The following ATP2B1 variants were observed in gnomAD, a reference collection of about 807,000 sequenced individuals.
The protein encoded by ATP2B1 is plasma membrane calcium-transporting ATPase 1.
A neutral mutation model predicts 124.2 loss-of-function variants in ATP2B1; 14 were observed. The observed-to-expected ratio is 0.11, with a 90% CI of 0.07 to 0.18. The LOEUF is 0.18. ATP2B1 is among the 10% of genes least tolerant of loss of function. ATP2B1 has a pLI of 1.00. For synonymous variants in ATP2B1, 449 were observed against 492.4 expected (o/e 0.91, Z 1.17); for missense variants, 763 against 1,466.1 (o/e 0.52, Z 7.83).
At position 89,692,604 on chromosome 12, in the gene ATP2B1, A is replaced by G. The variant is rs571707205; in HGVS notation, c.-222+15992T>C. Among the ~76,000 whole-genome samples, 13 of 152,330 alleles carry G rather than the reference A, an allele frequency of 8.5e-5. No homozygotes were observed. The East Asian group carries it at 1.9e-3, about 23-fold the overall frequency. On this transcript the variant is annotated intron_variant, in intron 1 of 20. Coordinates refer to ENST00000428670, the MANE Select transcript of ATP2B1 (RefSeq NM_001366521.1). ...TATACAATAATCATACAAATGCTCT[A>G]TAAGAAATGATGTGGTATGAGAGCA...
intron 1 of ATP2B1, among the ~76,000 whole-genome samples, chr12:89,669,183 A>G (rs1261463190): frequency 1.3e-5 from 2 of 152,090 alleles, no homozygotes; most frequent in African/African-American, 4.8e-5. Context: ...CTTCCTGATT[A>G]AACTGTAAGC....
intron 1 of ATP2B1, among the ~76,000 whole-genome samples, chr12:89,707,336 C>T (rs1283162710): frequency 6.6e-6 from 1 of 152,124 alleles, no homozygotes; most frequent in Non-Finnish European, 1.5e-5. Context: ...AATACACCCA[C>T]GCTGAACAAA....
At chr12:89,707,986 T>C (rs1234016725) in intron 1 of ATP2B1, among the ~76,000 whole-genome samples, 2 of 152,162 alleles carry the variant, frequency 1.3e-5, no homozygotes, top group East Asian at 1.9e-4. Context: ...ACTGTGAACA[T>C]CCTGGGGGGC....
At position 89,603,016 on chromosome 12, in the gene ATP2B1, T is replaced by C. The variant is rs1295546494; in HGVS notation, c.3060+27A>G. On this transcript the variant is annotated intron_variant, in intron 18 of 20. Coordinates refer to ENST00000428670, the MANE Select transcript of ATP2B1 (RefSeq NM_001366521.1). The surrounding 1 kb of genome is among the most constrained non-coding windows in gnomAD (Gnocchi z 4.3). Reference sequence around the variant, plus strand: ...AATGTCTCCCATTTAACAGGCAAATTTGAAACTATCTTTTCCAATTACCCA... The same window carrying C: ...AATGTCTCCCATTTAACAGGCAAATCTGAAACTATCTTTTCCAATTACCCA... The C allele has an allele frequency of 6.2e-7, 1 of 1,602,890 alleles. No individual in the cohort carries two copies. The highest frequency in any genetic ancestry group is 2.2e-5 in the East Asian group (1 of 44,660).
rs148438474 is a variant in ATP2B1, at chr12:89,689,656, T to G, written c.-222+18940A>C. On this transcript the variant is annotated intron_variant, in intron 1 of 20. Coordinates refer to ENST00000428670, the MANE Select transcript of ATP2B1 (RefSeq NM_001366521.1). ...CTGGCCCATATTTAATACGGCTTCT[T>G]ACTCCTTATCTATTTGTTAACTTGC... 8.9e-3 allele frequency among the ~76,000 whole-genome samples: 1,349 copies of G among 152,244 alleles called. 12 individuals are homozygous for G. The highest frequency in any genetic ancestry group is 0.015 in the Non-Finnish European group (998 of 67,998).
chr12:89,642,392 C>T (rs776836963), intron 2 of ATP2B1, 37 bp from the exon 3 acceptor site: 9 of 1,542,976 alleles, frequency 5.8e-6, no homozygotes, highest in Non-Finnish European at 7.1e-6. Flanking sequence ...AACAGTTTTA[C>T]TTCTTACAAA....
chr12:89,590,987 G>A lies in ATP2B1; in HGVS notation c.3660C>T (p.Leu1220=), dbSNP rs918582704. Reference sequence around the variant, plus strand: ...TGTGTTAACATTCAGCTTACAATCAGAGTGATGTTTCCAAACTATGTAGTG... The same window carrying A: ...TGTGTTAACATTCAGCTTACAATCAAAGTGATGTTTCCAAACTATGTAGTG... ...GSPLHSLETS[L] Residue 1220 remains leucine (L), a synonymous_variant, in exon 21 of 21, where the codon CTC becomes CTT. Transcript: ENST00000428670. 1 of 1,611,052 alleles carries A rather than the reference G, an allele frequency of 6.2e-7. No individual in the cohort carries two copies. Among genetic ancestry groups the A allele is most frequent in the South Asian group, 1.1e-5 (1 of 90,920 alleles).
chr12:89,643,874 G>A (rs1884030419), intron 2 of ATP2B1, among the ~76,000 whole-genome samples: 1 of 152,148 alleles, frequency 6.6e-6, no homozygotes, highest in Non-Finnish European at 1.5e-5. Flanking sequence ...CAGATCACCT[G>A]AGGTTGGGAG....
intron 2 of ATP2B1, among the ~76,000 whole-genome samples, chr12:89,652,158 A>G (rs1885339345): frequency 6.6e-6 from 1 of 152,214 alleles, no homozygotes; most frequent in Non-Finnish European, 1.5e-5. Flanking sequence ...TTAGGCAGAG[A>G]TATTTGTTTT....
At chr12:89,598,828 A>C in intron 20 of ATP2B1, 3 of 1,518,812 alleles carry the variant, frequency 2.0e-6, no homozygotes, top group Non-Finnish European at 2.7e-6. Context: ...ATCAACATAT[A>C]AAAAGAAAAA....
rs1362270830 is a variant in ATP2B1, at chr12:89,635,076, G to C, written c.582C>G (p.Phe194Leu). The stretch of plus-strand genomic sequence containing the variant: ...TGACCTGACCACCCCTGATGACAGT[G>C]AACTTCTGTTCTTGTTCAATTCGGC... ...LQSRIEQEQK[F>L]TVIRGGQVIQ... Residue 194 changes from phenylalanine to leucine, a missense_variant, in exon 4 of 21, where the codon TTC (phenylalanine) becomes TTG (leucine). Around this residue, in one of 7 missense-constraint regions of ATP2B1, gnomAD observed 392 missense variants for 776.6 expected, o/e 0.50. Coordinates refer to ENST00000428670, the MANE Select transcript of ATP2B1 (RefSeq NM_001366521.1). 6.2e-7 allele frequency: 1 copy of C among 1,613,820 alleles called. No homozygotes were observed. Among genetic ancestry groups the C allele is most frequent in the African/African-American group, 1.3e-5 (1 of 74,906 alleles).
chr12:89,643,120 ATACACG>A (rs1200606519), intron 2 of ATP2B1, among the ~76,000 whole-genome samples: 2 of 150,204 alleles, frequency 1.3e-5, no homozygotes, highest in African/African-American at 4.9e-5. Flanking sequence ...ATATACGTAT[ATACACG>A]TATATATGTA....
In ATP2B1 at chr12:89,634,767, G is replaced by C; in HGVS notation, c.787+11C>G. ...GAGGAAAGTGTTCAAAGATATAAAT[G>C]AAATTTTTACCTGATAGAAGTAAGG... On this transcript the variant is annotated intron_variant, in intron 5 of 20. Transcript: ENST00000428670. 6.4e-7 allele frequency: 1 copy of C among 1,573,196 alleles called. No homozygotes were observed.
chr12:89,659,698 G>A (rs1325234976), intron 1 of ATP2B1, among the ~76,000 whole-genome samples: 3 of 151,896 alleles, frequency 2.0e-5, no homozygotes, highest in African/African-American at 2.4e-5. Flanking sequence ...CGAGGCGGGC[G>A]GATCACGAGG....
At chr12:89,618,460 C>G (rs902957502) in intron 11 of ATP2B1, among the ~76,000 whole-genome samples, 1 of 152,180 alleles carries the variant, frequency 6.6e-6, no homozygotes, top group Admixed American at 6.5e-5. Context: ...AATGCCTGAT[C>G]AGTTTTGACT....
At chr12:89,657,722 C>T (rs1565881501) in intron 1 of ATP2B1, among the ~76,000 whole-genome samples, 1 of 152,186 alleles carries the variant, frequency 6.6e-6, no homozygotes, top group Non-Finnish European at 1.5e-5. Context: ...GCTCAATAAT[C>T]TGCATTTCTA....
chr12:89,612,100 A>T (rs888375871), intron 12 of ATP2B1: 1 of 152,104 alleles, frequency 6.6e-6, no homozygotes, highest in African/African-American at 2.4e-5. Flanking sequence ...TGCCCAACCT[A>T]CTGCAATGGC....
intron 9 of ATP2B1, among the ~76,000 whole-genome samples, chr12:89,622,755 TAA>T (rs936221377): frequency 2.6e-5 from 4 of 152,112 alleles, no homozygotes; most frequent in Non-Finnish European, 5.9e-5. Context: ...AGAGAATCCA[TAA>T]AGACTATACC....
intron 1 of ATP2B1, among the ~76,000 whole-genome samples, chr12:89,664,243 C>A (rs773020106): frequency 5.9e-5 from 9 of 152,192 alleles, no homozygotes; most frequent in Non-Finnish European, 1.3e-4. Flanking sequence ...ATAGGTGACT[C>A]ACCTCCCTCC....
Sources: allele counts gnomAD v4.1 joint callset (sites outside exome capture counted in the v4.1 genomes callset), GRCh38; gene constraint gnomAD v4.1.1; regional missense constraint gnomAD v4.1.1; non-coding constraint Gnocchi (gnomAD v3.1); transcripts MANE v1.5; gene names NCBI Gene and HGNC (gene_info 2026-07-23, HGNC 2026-07-21).